SRPK2: variants seen among roughly 807,000 people sequenced by gnomAD.
SRPK2 encodes SFRS protein kinase 2.
A neutral mutation model predicts 90.8 loss-of-function variants in SRPK2; 21 were observed. That is an observed-to-expected ratio of 0.23 (90% CI 0.16 to 0.33). The LOEUF is 0.33. Ranked by LOEUF, SRPK2 falls within the 10% of genes least tolerant of loss-of-function variation. The pLI, the probability that SRPK2 is intolerant of heterozygous loss-of-function variation, is 1.00. For synonymous variants in SRPK2, 288 were observed against 311.1 expected, an observed-to-expected ratio of 0.93 and a Z score of 0.78; for missense variants, 620 against 869.0, an observed-to-expected ratio of 0.71 and a Z score of 3.60.
intron 2 of SRPK2, among the ~76,000 whole-genome samples, chr7:105,296,680 G>T (rs1267287630): frequency 4.6e-5 from 7 of 152,204 alleles, no homozygotes; most frequent in Non-Finnish European, 1.0e-4. Context: ...AGGCATTCAT[G>T]TATTTAAATA....
intron 15 of SRPK2, among the ~76,000 whole-genome samples, chr7:105,124,952 T>C (rs905968673): frequency 1.3e-5 from 2 of 151,638 alleles, no homozygotes; most frequent in Non-Finnish European, 2.9e-5. Context: ...GCCAACACAG[T>C]GAAACCCTGT....
intron 3 of SRPK2, among the ~76,000 whole-genome samples, chr7:105,175,236 C>T (rs1226294451): frequency 6.6e-6 from 1 of 150,794 alleles, no homozygotes; most frequent in Non-Finnish European, 1.5e-5. Flanking sequence ...AGAGAAAATA[C>T]TCAGAAATTT....
chr7:105,164,330 C>G (rs1046745125), intron 6 of SRPK2, among the ~76,000 whole-genome samples: 2 of 152,202 alleles, frequency 1.3e-5, no homozygotes, highest in African/African-American at 4.8e-5. Flanking sequence ...ACCAAGGAGT[C>G]CTTCTCCACC....
chr7:105,393,892 C>T (rs944577815), upstream of SRPK2, among the ~76,000 whole-genome samples: 2 of 151,774 alleles, frequency 1.3e-5, no homozygotes, highest in Admixed American at 6.6e-5. Context: ...GAACTATGAT[C>T]GCGCTGCTGC....
At chr7:105,304,317 T>C (rs1810914027) in intron 2 of SRPK2, 1 of 152,242 alleles carries the variant, frequency 6.6e-6, no homozygotes, top group Non-Finnish European at 1.5e-5. Context: ...CGGCACTTAA[T>C]GACTTTTAGC....
chr7:105,262,852 G>GAA (rs992834677), intron 2 of SRPK2, among the ~76,000 whole-genome samples: 8 of 152,000 alleles, frequency 5.3e-5, no homozygotes, highest in African/African-American at 1.9e-4. Context: ...GTAAGAGAAG[G>GAA]AAAAAAATAT....
chr7:105,375,233 A>AT (rs1346069961), intron 2 of SRPK2, among the ~76,000 whole-genome samples: 2 of 152,226 alleles, frequency 1.3e-5, no homozygotes, highest in Admixed American at 1.3e-4. Context: ...TACAAATTCA[A>AT]TATTAACCCA....
intron 7 of SRPK2, among the ~76,000 whole-genome samples, chr7:105,152,099 C>T (rs1047265206): frequency 3.3e-5 from 5 of 151,810 alleles, no homozygotes; most frequent in African/African-American, 9.7e-5. Context: ...CTTGATAACC[C>T]GTATGGTACA....
rs1177335738 is a variant in SRPK2, at chr7:105,136,333, C to T, written c.1544-3229G>A. ...CAGACTGCTACATTCCCAAGAAGTCCACTGAAACCCAACTGGAATGCTTTT... is the reference window on the plus strand; with the variant it reads ...CAGACTGCTACATTCCCAAGAAGTCTACTGAAACCCAACTGGAATGCTTTT... On this transcript the variant is annotated intron_variant, in intron 11 of 15. Transcript: ENST00000393651. 2.6e-5 allele frequency among the ~76,000 whole-genome samples: 4 copies of T among 152,128 alleles called. No homozygotes were observed. The East Asian group carries it at 7.7e-4, about 29-fold the overall frequency.
chr7:105,212,391 T>C (rs553264877), intron 2 of SRPK2, among the ~76,000 whole-genome samples: 1 of 152,154 alleles, frequency 6.6e-6, no homozygotes, highest in Non-Finnish European at 1.5e-5. Flanking sequence ...GAAACAGAGA[T>C]GGTAGTGGGC....
At chr7:105,260,135 C>T (rs574919832) in intron 2 of SRPK2, among the ~76,000 whole-genome samples, 3 of 152,216 alleles carry the variant, frequency 2.0e-5, no homozygotes, top group South Asian at 4.1e-4. Flanking sequence ...ACAATCTACC[C>T]ATCTGACAAA....
At chr7:105,355,927 T>A (rs187949661) in intron 2 of SRPK2, among the ~76,000 whole-genome samples, 87 of 152,184 alleles carry the variant, frequency 5.7e-4, no homozygotes, top group African/African-American at 2.0e-3. Flanking sequence ...CATCTGCCAG[T>A]AGTCCAGCTA....
rs10694399 is a variant in SRPK2, at chr7:105,370,028, AAACAAC to A, written c.71+18614_71+18619del. Among the ~76,000 whole-genome samples, 144 of 150,254 alleles carry A rather than the reference AAACAAC, an allele frequency of 9.6e-4. 1 individual carries two copies. Among genetic ancestry groups the A allele is most frequent in the Non-Finnish European group, 1.5e-3 (104 of 67,712 alleles). On this transcript the variant is annotated intron_variant, in intron 2 of 15. Coordinates refer to ENST00000393651, the MANE Select transcript of SRPK2 (RefSeq NM_182692.3). ...GGCAACAAGAGCAAGACTCCATCTC[AAACAAC>A]AACAACAACAACAACAAAAGTGACC...
intron 2 of SRPK2, chr7:105,306,495 C>A (rs909793460): frequency 2.2e-5 from 10 of 453,618 alleles, no homozygotes; most frequent in Admixed American, 1.4e-4. Context: ...AAAAAAAAAA[C>A]CAACACTTCC....
At chr7:105,176,786 T>C (rs1272365458) in intron 3 of SRPK2, among the ~76,000 whole-genome samples, 1 of 150,366 alleles carries the variant, frequency 6.7e-6, no homozygotes, top group East Asian at 1.9e-4. Flanking sequence ...TATATATATA[T>C]ACCACGCCTG....
At chr7:105,178,494 CA>C (rs1471143120) in intron 3 of SRPK2, among the ~76,000 whole-genome samples, 1 of 152,098 alleles carries the variant, frequency 6.6e-6, no homozygotes, top group Non-Finnish European at 1.5e-5. Context: ...GCTAATATTC[CA>C]AAAGACACGG....
intron 2 of SRPK2, among the ~76,000 whole-genome samples, chr7:105,287,462 T>C (rs1489305328): frequency 6.6e-6 from 1 of 151,380 alleles, no homozygotes; most frequent in Middle Eastern, 3.3e-3. Context: ...AATGGCTGGG[T>C]GCAGTGGCTC....
At chr7:105,331,331 A>AAAAAAAAAAAAAAAAAAT (rs1814357133) in intron 2 of SRPK2, among the ~76,000 whole-genome samples, 1 of 146,316 alleles carries the variant, frequency 6.8e-6, no homozygotes, top group African/African-American at 2.6e-5. Context: ...AAAAAAAAAA[A>AAAAAAAAAAAAAAAAAAT]AAAAAACAAA....
intron 1 of SRPK2, among the ~76,000 whole-genome samples, chr7:105,396,808 AAG>A (rs1318163049): frequency 5.8e-5 from 6 of 103,176 alleles, no homozygotes; most frequent in Non-Finnish European, 4.3e-5. Flanking sequence ...AAGAGAAAGA[AAG>A]AAAGAGAGAA....
Sources: allele counts gnomAD v4.1 joint callset (sites outside exome capture counted in the v4.1 genomes callset), GRCh38; gene constraint gnomAD v4.1.1; transcripts MANE v1.5; gene names NCBI Gene and HGNC (gene_info 2026-07-23, HGNC 2026-07-21).